SPTBN1: variants seen among roughly 807,000 people sequenced by gnomAD.
SPTBN1 encodes spectrin beta, non-erythrocytic 1.
Under a neutral mutation model 266.4 loss-of-function variants are expected in SPTBN1, and 32 were observed. The observed-to-expected ratio is 0.12, with a 90% CI of 0.09 to 0.16. SPTBN1 has a LOEUF of 0.16. SPTBN1 is among the 10% of genes least tolerant of loss of function. The pLI, the probability that SPTBN1 is intolerant of heterozygous loss-of-function variation, is 1.00. For missense variants in SPTBN1, 2,296 were observed against 3,067.1 expected (o/e 0.75, Z 5.94); for synonymous variants, 1,336 against 1,162.2 (o/e 1.15, Z -3.04).
In SPTBN1 at chr2:54,628,011, C is replaced by A; in HGVS notation, c.1645-86C>A. On this transcript the variant is annotated intron_variant, in intron 12 of 35. Transcript: ENST00000356805. The surrounding 1 kb of genome is among the most constrained non-coding windows in gnomAD (Gnocchi z 4.3). ...CTAGAGGGAAGGCATAGCTTCATTG[C>A]TGGCTCTCTGCTTGTCGAAAGATGA... 6.7e-7 allele frequency: 1 copy of A among 1,481,486 alleles called. No individual in the cohort carries two copies. Among genetic ancestry groups the A allele is most frequent in the Non-Finnish European group, 9.1e-7 (1 of 1,101,596 alleles). The allele number at this position is 1,481,486 out of a possible 1,614,324, so 91.8% of individuals were successfully genotyped here.
In SPTBN1 at chr2:54,550,586, C is replaced by T. The variant is rs564387991; in HGVS notation, c.148+24020C>T. ...AACATTAAAATTGCATAGATAAGAC[C>T]GAATAGGAACAGAGAGTGTTTGTGT... On this transcript the variant is annotated intron_variant, in intron 2 of 35. Coordinates refer to ENST00000356805, the MANE Select transcript of SPTBN1 (RefSeq NM_003128.3). Among the ~76,000 whole-genome samples, 3 of 152,168 alleles carry T rather than the reference C, an allele frequency of 2.0e-5. 1 individual carries two copies. The highest frequency in any genetic ancestry group is 4.1e-4 in the South Asian group (2 of 4,822).
intron 2 of SPTBN1, among the ~76,000 whole-genome samples, chr2:54,542,145 C>T (rs1385159109): frequency 1.3e-5 from 2 of 152,214 alleles, no homozygotes; most frequent in Admixed American, 6.5e-5. Flanking sequence ...GTGCCAGGCA[C>T]TGTGATCGGT....
chr2:54,481,062 A>G (rs3087854), intron 1 of SPTBN1, among the ~76,000 whole-genome samples: 40,995 of 151,930 alleles, frequency 0.27, 6,132 homozygotes, highest in East Asian at 0.38. Context: ...GGTCTTAGCT[A>G]CTTGGGAAGC....
intron 2 of SPTBN1, among the ~76,000 whole-genome samples, chr2:54,593,440 C>T (rs550930838): frequency 6.6e-6 from 1 of 152,228 alleles, no homozygotes; most frequent in Non-Finnish European, 1.5e-5. Flanking sequence ...CCACTTTCCT[C>T]CCTGGACTGC....
At chr2:54,593,823 C>CTTTTTTTTTTTTTTTTTT (rs374877354) in intron 2 of SPTBN1, among the ~76,000 whole-genome samples, 1 of 64,782 alleles carries the variant, frequency 1.5e-5, no homozygotes. Flanking sequence ...CATGGAAACA[C>CTTTTTTTTTTTTTTTTTT]TTTTTTTTTT....
chr2:54,604,381 C>T (rs965421005), intron 3 of SPTBN1, among the ~76,000 whole-genome samples: 1 of 152,030 alleles, frequency 6.6e-6, no homozygotes, highest in Non-Finnish European at 1.5e-5. Context: ...TTTTCCTCTC[C>T]ATCTCTGGAG....
intron 2 of SPTBN1, among the ~76,000 whole-genome samples, chr2:54,578,084 ACT>A (rs1258926217): frequency 2.6e-5 from 4 of 152,054 alleles, no homozygotes; most frequent in Non-Finnish European, 5.9e-5. Context: ...GACAGTACAG[ACT>A]CTCTTGATCT....
intron 4 of SPTBN1, among the ~76,000 whole-genome samples, chr2:54,615,055 T>G (rs1236439912): frequency 2.6e-5 from 4 of 152,210 alleles, no homozygotes; most frequent in Admixed American, 2.6e-4. Context: ...CTTTCTGCAC[T>G]TGAGCTAATG....
rs1471752258 is a variant in SPTBN1, at chr2:54,647,226, C to T, written c.4962C>T (p.Thr1654=). The T allele has an allele frequency of 1.9e-6, 3 of 1,614,116 alleles. No individual in the cohort carries two copies. Among genetic ancestry groups the T allele is most frequent in the South Asian group, 2.2e-5 (2 of 91,086 alleles). ...AGACCGTGCATCAGCTCTCCAAGAC[C>T]AGCCGGGCCCTGGTGGCCGACAGCC... ...YAETVHQLSK[T]SRALVADSHP... Residue 1654 remains threonine, a synonymous_variant, in exon 24 of 36, where the codon ACC becomes ACT. Coordinates refer to ENST00000356805, the MANE Select transcript of SPTBN1 (RefSeq NM_003128.3).
rs1680787393 is a variant in SPTBN1 at position 54,657,983 on chromosome 2, G to A, written c.6180G>A (p.Glu2060=). 1.9e-6 allele frequency: 3 copies of A among 1,614,246 alleles called. No individual in the cohort carries two copies. The highest frequency in any genetic ancestry group is 1.1e-5 in the South Asian group (1 of 91,084). ...TGGAGAAGCTCATCAAGCGCCACGA[G>A]GCATTTGAAAAGTCTGCAGCAACCT... ...DEVEKLIKRH[E]AFEKSAATWD... is the part of the protein sequence containing the mutation. Residue 2060 remains glutamate (E), a synonymous_variant, in exon 30 of 36, where the codon GAG becomes GAA. Coordinates refer to ENST00000356805, the MANE Select transcript of SPTBN1 (RefSeq NM_003128.3).
intron 2 of SPTBN1, among the ~76,000 whole-genome samples, chr2:54,571,564 CACACACACACAT>C (rs369786423): frequency 0.2 from 16,689 of 84,756 alleles, 992 homozygotes; most frequent in Non-Finnish European, 0.23. Context: ...CACACACACA[CACACACACACAT>C]ACACACACAC....
Position 54,653,578 on chromosome 2 carries a change from G to C in SPTBN1, c.5578-31G>C. On this transcript the variant is annotated intron_variant, in intron 26 of 35. Transcript: ENST00000356805. This position sits in a 1 kb window ranked among gnomAD's most constrained non-coding sequence, Gnocchi z 5.1. ...GATGGTGGGAAGGCCGCCATGGGCTGACCTGGCTCATCCCCTACATGGCTT... is the reference window on the plus strand; with the variant it reads ...GATGGTGGGAAGGCCGCCATGGGCTCACCTGGCTCATCCCCTACATGGCTT... 6.2e-7 allele frequency: 1 copy of C among 1,608,670 alleles called. No individual in the cohort carries two copies.
In SPTBN1 at chr2:54,668,673, G is replaced by A. The variant is rs929607175; in HGVS notation, c.*104G>A. On this transcript the variant is annotated 3_prime_UTR_variant, in exon 36 of 36. Coordinates refer to ENST00000356805, the MANE Select transcript of SPTBN1 (RefSeq NM_003128.3). Reference sequence around the variant, plus strand: ...CTCTCTGTGCCTAATGTTCCTCAATGTGGTTGATTTTTTTTTTTTTTTAAT... The same window carrying A: ...CTCTCTGTGCCTAATGTTCCTCAATATGGTTGATTTTTTTTTTTTTTTAAT... 3.1e-6 allele frequency: 3 copies of A among 959,334 alleles called. No individual in the cohort carries two copies. Among genetic ancestry groups the A allele is most frequent in the Non-Finnish European group, 4.4e-6 (3 of 677,124 alleles). The allele number at this position is 959,334 out of a possible 1,614,324, so 59.4% of individuals were successfully genotyped here.
intron 1 of SPTBN1, among the ~76,000 whole-genome samples, chr2:54,507,339 AGTGTT>A (rs1669627573): frequency 6.6e-6 from 1 of 151,474 alleles, no homozygotes; most frequent in South Asian, 2.1e-4. Context: ...ATAGTGGTAA[AGTGTT>A]GGGGTGGGGA....
chr2:54,600,173 A>G (rs1691351003), intron 3 of SPTBN1, among the ~76,000 whole-genome samples: 1 of 152,118 alleles, frequency 6.6e-6, no homozygotes, highest in African/African-American at 2.4e-5. Flanking sequence ...CCTGCCCCAC[A>G]CCTCTGACCG....
intron 1 of SPTBN1, among the ~76,000 whole-genome samples, chr2:54,467,960 A>G (rs1198572789): frequency 6.6e-6 from 1 of 152,216 alleles, no homozygotes; most frequent in African/African-American, 2.4e-5. Flanking sequence ...GAATACAAAG[A>G]AGAAAATTAA....
intron 2 of SPTBN1, among the ~76,000 whole-genome samples, chr2:54,593,005 A>G (rs896162527): frequency 6.6e-6 from 1 of 152,204 alleles, no homozygotes; most frequent in Non-Finnish European, 1.5e-5. Flanking sequence ...ATGCATGGCA[A>G]TGTTATTGCA....
intron 3 of SPTBN1, among the ~76,000 whole-genome samples, chr2:54,609,915 G>T (rs776593817): frequency 2.6e-5 from 4 of 152,044 alleles, no homozygotes; most frequent in Non-Finnish European, 4.4e-5. Flanking sequence ...TATGAATAAG[G>T]GCAGTCCTGA....
intron 1 of SPTBN1, among the ~76,000 whole-genome samples, chr2:54,484,226 A>T (rs1472603074): frequency 6.6e-6 from 1 of 152,114 alleles, no homozygotes; most frequent in East Asian, 1.9e-4. Flanking sequence ...GGCAAGTGAT[A>T]ACTGCACGGT....
Sources: gnomAD v4.1 joint callset for allele counts (sites outside exome capture counted in the v4.1 genomes callset) on GRCh38, gnomAD v4.1.1 for gene constraint, Gnocchi (gnomAD v3.1) non-coding constraint, MANE v1.5 for transcripts, NCBI Gene and HGNC (gene_info 2026-07-23, HGNC 2026-07-21) for gene names.